ZNF334: variants seen among roughly 807,000 people sequenced by gnomAD.
ZNF334 encodes zinc finger protein 334.
Under a neutral mutation model 12.4 loss-of-function variants are expected in ZNF334, and 14 were observed. The ratio of observed to expected loss-of-function variants is 1.13; its 90% confidence interval spans 0.74 to 1.76. ZNF334 has a LOEUF of 1.76. Among genes scored for constraint, ZNF334 ranks in the 40% most tolerant of loss-of-function variants. The pLI, the probability that ZNF334 is intolerant of heterozygous loss-of-function variation, is 0.00. For synonymous variants in ZNF334, 273 were observed against 269.6 expected (o/e 1.01, Z -0.12); for missense variants, 797 against 804.5 (o/e 0.99, Z 0.11).
At position 46,502,727 on chromosome 20, in the gene ZNF334, A is replaced by C. The variant is rs1438387352; in HGVS notation, c.612T>G (p.Ile204Met). 6 of 1,613,726 alleles carry C rather than the reference A, an allele frequency of 3.7e-6. No individual in the cohort carries two copies. Among genetic ancestry groups the C allele is most frequent in the Middle Eastern group, 1.6e-4 (1 of 6,062 alleles). ...TATTATAGTCAAACGGTTGTTTCAA[A>C]ATCTGAATGTTCTGGTGCAGAATAA... Reference protein sequence around the residue: ...ENLILHQNIQILKQPFDYNKC... With the variant: ...ENLILHQNIQMLKQPFDYNKC... Residue 204 changes from isoleucine (I) to methionine (M), a missense_variant, in exon 5 of 5, where the codon ATT (isoleucine) becomes ATG (methionine). By Grantham distance (10) the Ile-to-Met change is conservative. Coordinates refer to ENST00000692313, the MANE Select transcript of ZNF334 (RefSeq NM_001353824.2).
At chr20:46,471,221 G>A in the ZNF334 span, among the ~76,000 whole-genome samples, 1 of 152,150 alleles carries the variant, frequency 6.6e-6, no homozygotes, top group Non-Finnish European at 1.5e-5. Flanking sequence ...TGATGAGGCT[G>A]AGCACCTTTT....
chr20:46,485,377 T>C, the ZNF334 span, among the ~76,000 whole-genome samples: 1 of 152,084 alleles, frequency 6.6e-6, no homozygotes, highest in Non-Finnish European at 1.5e-5. Flanking sequence ...GTCAAAAAAC[T>C]TGTCAGTGAT....
At chr20:46,507,777 G>C (rs553622948) in intron 2 of ZNF334, among the ~76,000 whole-genome samples, 9 of 152,198 alleles carry the variant, frequency 5.9e-5, no homozygotes, top group African/African-American at 2.2e-4. Context: ...GGCCTTTCCC[G>C]CTATCACCAC....
At chr20:46,504,341 T>C (rs1156499076) in intron 3 of ZNF334, 35 bp from the exon 4 acceptor site, 1 of 1,562,554 alleles carries the variant, frequency 6.4e-7, no homozygotes, top group South Asian at 1.1e-5. Context: ...TGGACCAAGA[T>C]CTTTGGACAT....
chr20:46,502,432 T>C lies in ZNF334; in HGVS notation c.907A>G (p.Ile303Val). ...TGTACAATAAGGGCAGATTTGTCAA[T>C]GAAGGTTTTCCTGCATTCACTGCAT... ...YECSECRKTF[I>V]DKSALIVHQK... Residue 303 changes from isoleucine (I) to valine (V), a missense_variant, in exon 5 of 5, where the codon ATT becomes GTT. Transcript: ENST00000692313. 1 of 1,614,124 alleles carries C rather than the reference T, an allele frequency of 6.2e-7. No individual in the cohort carries two copies. The highest frequency in any genetic ancestry group is 8.5e-7 in the Non-Finnish European group (1 of 1,180,000).
the ZNF334 span, among the ~76,000 whole-genome samples, chr20:46,467,574 C>T: frequency 6.6e-6 from 1 of 152,190 alleles, no homozygotes; most frequent in Non-Finnish European, 1.5e-5. Flanking sequence ...GCTAATGCTG[C>T]CTTTTTAATT....
chr20:46,476,928 T>C, the ZNF334 span: 1 of 152,194 alleles, frequency 6.6e-6, no homozygotes, highest in Non-Finnish European at 1.5e-5. Context: ...AGAAAAATAA[T>C]GTTTGCATTT....
rs1396307247 is a variant in ZNF334 at position 46,500,600 on chromosome 20, T to C, written c.*696A>G. The C allele has an allele frequency of 1.3e-5, 2 of 152,216 alleles. No homozygotes were observed. Among genetic ancestry groups the C allele is most frequent in the African/African-American group, 4.8e-5 (2 of 41,454 alleles). 9.4% of individuals were successfully genotyped at this position (152,216 alleles called of 1,614,324 possible). A position where few individuals can be genotyped will look rare whatever the true frequency, so the allele number is the denominator to read the frequency against. On this transcript the variant is annotated 3_prime_UTR_variant, in exon 5 of 5. Transcript: ENST00000692313. The stretch of plus-strand genomic sequence containing the variant: ...TTCAAGAATGCTTATTTTCCCATGT[T>C]TTTCCTACTGCAATTGCCGTCTTCT...
At chr20:46,506,731 G>A in intron 2 of ZNF334, 1 of 170,510 alleles carries the variant, frequency 5.9e-6, no homozygotes. Flanking sequence ...GAGACAGACG[G>A]AAAGAATGGA....
At chr20:46,506,936 A>AC (rs1359375617) in intron 2 of ZNF334, among the ~76,000 whole-genome samples, 4 of 148,858 alleles carry the variant, frequency 2.7e-5, no homozygotes, top group Non-Finnish European at 4.4e-5. Context: ...ACATAGTGAG[A>AC]CCCCATCTCT....
In ZNF334 at chr20:46,501,964, T is replaced by C. The variant is rs149631044; in HGVS notation, c.1375A>G (p.Lys459Glu). 8.1e-6 allele frequency: 13 copies of C among 1,614,052 alleles called. No homozygotes were observed. Among genetic ancestry groups the C allele is most frequent in the Non-Finnish European group, 6.8e-6 (8 of 1,180,026 alleles). ...CCACATTCATTACATTCATAAGACT[T>C]CTTTCCTCTATGAGTTATCTGATGT... ...IAHQITHRGKKSYECNECGKF... is the reference protein window; with the variant it reads ...IAHQITHRGKESYECNECGKF... The change falls in exon 5 of 5, where the codon AAG (lysine) becomes GAG (glutamate). Residue 459 changes from lysine to glutamate, a missense_variant. Transcript: ENST00000692313.
chr20:46,493,677 T>C, the ZNF334 span, among the ~76,000 whole-genome samples: 2 of 152,218 alleles, frequency 1.3e-5, no homozygotes, highest in Admixed American at 6.5e-5. Context: ...AGAGACTCTT[T>C]ACAAAAGTGT....
At chr20:46,477,495 T>C in the ZNF334 span, among the ~76,000 whole-genome samples, 1 of 152,194 alleles carries the variant, frequency 6.6e-6, no homozygotes, top group Non-Finnish European at 1.5e-5. Flanking sequence ...CATGCCACCA[T>C]ACCTGGAATT....
Position 46,501,988 on chromosome 20 carries a change from G to A in ZNF334, c.1351C>T (p.His451Tyr). Residue 451 changes from histidine (H) to tyrosine (Y), a missense_variant, in exon 5 of 5, where the codon CAT (histidine) becomes TAT (tyrosine). His to Tyr is a moderately conservative substitution (Grantham distance 83). Coordinates refer to ENST00000692313, the MANE Select transcript of ZNF334 (RefSeq NM_001353824.2). ...FLCTKSALIA[H>Y]QITHRGKKSY... ...TTCTTTCCTCTATGAGTTATCTGATGTGCAATGAGGGCTGATTTCGTACAT... is the reference window on the plus strand; with the variant it reads ...TTCTTTCCTCTATGAGTTATCTGATATGCAATGAGGGCTGATTTCGTACAT... 6.2e-7 allele frequency: 1 copy of A among 1,614,012 alleles called. No individual in the cohort carries two copies. Among genetic ancestry groups the A allele is most frequent in the Non-Finnish European group, 8.5e-7 (1 of 1,180,030 alleles).
Position 46,513,140 on chromosome 20 carries a change from A to G in ZNF334, c.-639T>C, listed in dbSNP as rs1281549555. The G allele has an allele frequency of 1.3e-5, 2 of 152,274 alleles. No individual in the cohort carries two copies. Among genetic ancestry groups the G allele is most frequent in the Non-Finnish European group, 2.9e-5 (2 of 68,070 alleles). The allele number at this position is 152,274 out of a possible 1,614,324, so 9.4% of individuals were successfully genotyped here. A position where few individuals can be genotyped will look rare whatever the true frequency, so the allele number is the denominator to read the frequency against. ...AAGTTGAACTGAACTTTGCTGAGCT[A>G]TAATAATCAATGGCTGCAAGACTAA... On this transcript the variant is annotated 5_prime_UTR_variant, in exon 1 of 5. Transcript: ENST00000692313.
chr20:46,491,627 C>G, the ZNF334 span: 4 of 152,372 alleles, frequency 2.6e-5, no homozygotes, highest in African/African-American at 9.7e-5. Context: ...TGCTCGCCAC[C>G]AACAAATCCA....
chr20:46,512,037 G>A (rs184492188), intron 2 of ZNF334, 45 bp downstream of exon 2: 254 of 1,601,184 alleles, frequency 1.6e-4, no homozygotes, highest in African/African-American at 7.2e-4. Flanking sequence ...TAAACCTCTT[G>A]AAATTCACTG....
the ZNF334 span, among the ~76,000 whole-genome samples, chr20:46,485,867 A>G: frequency 6.6e-6 from 1 of 152,188 alleles, no homozygotes; most frequent in African/African-American, 2.4e-5. Flanking sequence ...TAAATACTTA[A>G]TAACTTGGTC....
At chr20:46,491,284 T>A in the ZNF334 span, 1 of 152,740 alleles carries the variant, frequency 6.5e-6, no homozygotes, top group Non-Finnish European at 1.5e-5. Context: ...TAAACCTGAC[T>A]CGGCATCAAA....
Sources: gnomAD v4.1 joint callset for allele counts (sites outside exome capture counted in the v4.1 genomes callset) on GRCh38, gnomAD v4.1.1 for gene constraint, MANE v1.5 for transcripts, NCBI Gene and HGNC (gene_info 2026-07-23, HGNC 2026-07-21) for gene names.